The following BLTP1 variants were observed in gnomAD, a reference collection of about 807,000 sequenced individuals.
The protein encoded by BLTP1 is bridge-like lipid transfer protein family member 1, also known as fragile site-associated protein.
At chr4:122,316,865 A>C in the BLTP1 span, 1 of 1,545,814 alleles carries the variant, frequency 6.5e-7, no homozygotes, top group Non-Finnish European at 8.8e-7. Context: ...GATCTGAAGT[A>C]TGTACAATGA....
At chr4:122,246,562 G>A in the BLTP1 span, 2 of 1,221,468 alleles carry the variant, frequency 1.6e-6, no homozygotes, top group South Asian at 1.6e-5. Context: ...CATAAGCTTT[G>A]TCTTCACTGT....
At chr4:122,324,413 T>C in the BLTP1 span, 1 of 1,606,498 alleles carries the variant, frequency 6.2e-7, no homozygotes. Context: ...CTTTTTTCTC[T>C]CCCATTTTGT....
the BLTP1 span, chr4:122,186,248 T>A: frequency 6.3e-7 from 1 of 1,577,360 alleles, no homozygotes; most frequent in South Asian, 1.2e-5. Context: ...TGAATTTTAT[T>A]AAACTCTAGC....
chr4:122,314,251 C>A, the BLTP1 span: 2 of 381,356 alleles, frequency 5.2e-6, no homozygotes, highest in Non-Finnish European at 7.2e-6. Flanking sequence ...GCGCAGTATT[C>A]AGATTTGTCC....
chr4:122,302,193 TTAAATA>T, the BLTP1 span: 5 of 787,018 alleles, frequency 6.4e-6, no homozygotes, highest in Non-Finnish European at 6.2e-6. Context: ...ATACTAAATT[TTAAATA>T]TAAAATATCA....
chr4:122,333,774 A>G, the BLTP1 span: 1 of 1,611,100 alleles, frequency 6.2e-7, no homozygotes, highest in Non-Finnish European at 8.5e-7. Flanking sequence ...TGACTTAGAA[A>G]CAACAGTATT....
At chr4:122,179,207 C>T in the BLTP1 span, among the ~76,000 whole-genome samples, 1 of 152,076 alleles carries the variant, frequency 6.6e-6, no homozygotes, top group African/African-American at 2.4e-5. Flanking sequence ...GGCTGAGTTA[C>T]AGTAAGCTAT....
chr4:122,202,256 A>G, the BLTP1 span, among the ~76,000 whole-genome samples: 2 of 152,132 alleles, frequency 1.3e-5, no homozygotes, highest in Non-Finnish European at 2.9e-5. Context: ...TTTGCTAGTG[A>G]AGCAGAGCAT....
chr4:122,211,020 T>G, the BLTP1 span: 5 of 1,611,000 alleles, frequency 3.1e-6, no homozygotes, highest in East Asian at 8.9e-5. Context: ...ATAAACTTCA[T>G]GTAGAAATGG....
chr4:122,274,463 A>C, the BLTP1 span: 7 of 1,580,622 alleles, frequency 4.4e-6, no homozygotes, highest in Non-Finnish European at 4.3e-6. Context: ...TTATTTTCTT[A>C]CACTTATAGT....
the BLTP1 span, among the ~76,000 whole-genome samples, chr4:122,350,977 C>A: frequency 2.0e-5 from 3 of 152,060 alleles, no homozygotes; most frequent in Non-Finnish European, 4.4e-5. Flanking sequence ...TTTATCTTTT[C>A]AAAAAATACT....
At chr4:122,234,352 G>C in the BLTP1 span, 1 of 161,906 alleles carries the variant, frequency 6.2e-6, no homozygotes, top group African/African-American at 2.4e-5. Context: ...ATGTGAAATA[G>C]GCCCTGAGAT....
the BLTP1 span, among the ~76,000 whole-genome samples, chr4:122,216,275 G>A: frequency 1.3e-5 from 2 of 151,932 alleles, no homozygotes; most frequent in African/African-American, 4.8e-5. Context: ...CTTTTCTTTT[G>A]GGTAAATACC....
At chr4:122,251,288 G>T in the BLTP1 span, 2 of 977,072 alleles carry the variant, frequency 2.0e-6, no homozygotes, top group Non-Finnish European at 2.4e-6. Context: ...GTTCTTAAAC[G>T]TATGTACATA....
chr4:122,224,532 G>T, the BLTP1 span: 2 of 1,613,740 alleles, frequency 1.2e-6, no homozygotes, highest in African/African-American at 1.3e-5. Context: ...CTCAGGGAAG[G>T]TCACATCAAT....
chr4:122,296,519 T>C, the BLTP1 span, among the ~76,000 whole-genome samples: 1 of 152,238 alleles, frequency 6.6e-6, no homozygotes, highest in Non-Finnish European at 1.5e-5. Context: ...TTCAATGTTA[T>C]TCCCATTAAA....
At chr4:122,282,582 C>T in the BLTP1 span, among the ~76,000 whole-genome samples, 2 of 152,134 alleles carry the variant, frequency 1.3e-5, no homozygotes, top group African/African-American at 4.8e-5. Flanking sequence ...GCGGAGGTTG[C>T]AGTGAGCTGA....
chr4:122,313,381 A>C, the BLTP1 span, among the ~76,000 whole-genome samples: 1 of 152,148 alleles, frequency 6.6e-6, no homozygotes, highest in Non-Finnish European at 1.5e-5. Flanking sequence ...AAGTAAAGCT[A>C]AAACTGCAGT....
At chr4:122,221,315 C>T in the BLTP1 span, among the ~76,000 whole-genome samples, 1 of 152,048 alleles carries the variant, frequency 6.6e-6, no homozygotes, top group South Asian at 2.1e-4. Context: ...ATATATTTGA[C>T]ATATATGAGA....
Sources: allele counts gnomAD v4.1 joint callset (sites outside exome capture counted in the v4.1 genomes callset), GRCh38; gene constraint gnomAD v4.1.1; transcripts MANE v1.5; gene names NCBI Gene and HGNC (gene_info 2026-07-23, HGNC 2026-07-21).